KCNIP1: variants seen among roughly 807,000 people sequenced by gnomAD.
KCNIP1 encodes A-type potassium channel modulatory protein KCNIP1.
A neutral mutation model predicts 33.0 loss-of-function variants in KCNIP1; 18 were observed. The observed-to-expected ratio is 0.55, with a 90% CI of 0.38 to 0.81. KCNIP1 has a LOEUF of 0.81. Ranked by LOEUF, KCNIP1 falls within the 30% of genes least tolerant of loss-of-function variation. KCNIP1 has a pLI of 0.00. For missense variants in KCNIP1, 238 were observed against 271.6 expected (o/e 0.88, Z 0.87); for synonymous variants, 93 against 98.3 (o/e 0.95, Z 0.32).
intron 1 of KCNIP1, among the ~76,000 whole-genome samples, chr5:170,697,535 G>A (rs1762938335): frequency 6.6e-6 from 1 of 152,190 alleles, no homozygotes; most frequent in African/African-American, 2.4e-5. Context: ...AAGAGATGGT[G>A]AGTACATGAA....
intron 1 of KCNIP1, among the ~76,000 whole-genome samples, chr5:170,588,154 T>G (rs1758068372): frequency 6.6e-6 from 1 of 152,004 alleles, no homozygotes; most frequent in Non-Finnish European, 1.5e-5. Context: ...GTCAGGGAGG[T>G]ACCCAAGAAA....
intron 1 of KCNIP1, among the ~76,000 whole-genome samples, chr5:170,686,486 T>G (rs1005353460): frequency 2.0e-4 from 31 of 152,086 alleles, no homozygotes; most frequent in African/African-American, 7.2e-4. Context: ...CCTTTAGGAG[T>G]CTGCTTAGCT....
chr5:170,415,856 C>T (rs1485877998), intron 1 of KCNIP1, among the ~76,000 whole-genome samples: 2 of 152,142 alleles, frequency 1.3e-5, no homozygotes, highest in East Asian at 1.9e-4. Flanking sequence ...TGTGGAGTGA[C>T]GTCTCCATGC....
intron 1 of KCNIP1, among the ~76,000 whole-genome samples, chr5:170,562,381 T>C (rs1216053682): frequency 6.6e-6 from 1 of 152,220 alleles, no homozygotes; most frequent in Non-Finnish European, 1.5e-5. Context: ...CATGGGGTTC[T>C]GCAACCAGCA....
chr5:170,608,677 T>A (rs1285013236), intron 1 of KCNIP1, among the ~76,000 whole-genome samples: 19 of 150,618 alleles, frequency 1.3e-4, no homozygotes, highest in Admixed American at 1.3e-3. Flanking sequence ...GAGGCTGAGG[T>A]AGGAGAATCG....
chr5:170,393,944 A>T (rs1238997785), intron 1 of KCNIP1, among the ~76,000 whole-genome samples: 1 of 152,112 alleles, frequency 6.6e-6, no homozygotes, highest in African/African-American at 2.4e-5. Context: ...TGGTTTTTTT[A>T]AAAAAATGCT....
At chr5:170,624,772 G>A (rs1289921379) in intron 1 of KCNIP1, among the ~76,000 whole-genome samples, 3 of 147,308 alleles carry the variant, frequency 2.0e-5, no homozygotes, top group Non-Finnish European at 3.0e-5. Context: ...GAGGGGAGTG[G>A]GGGAGAAGGG....
intron 1 of KCNIP1, among the ~76,000 whole-genome samples, chr5:170,608,659 C>T (rs561560241): frequency 2.6e-5 from 4 of 151,894 alleles, no homozygotes; most frequent in South Asian, 2.1e-4. Context: ...GTAATCCCAG[C>T]GACTCGGGAG....
At chr5:170,609,276 A>G (rs928898270) in intron 1 of KCNIP1, among the ~76,000 whole-genome samples, 15 of 152,156 alleles carry the variant, frequency 9.9e-5, no homozygotes, top group African/African-American at 3.6e-4. Flanking sequence ...TTGCCTGATA[A>G]TAATTATAAT....
At chr5:170,449,307 G>A (rs575549903) in intron 1 of KCNIP1, among the ~76,000 whole-genome samples, 1 of 152,332 alleles carries the variant, frequency 6.6e-6, no homozygotes, top group East Asian at 1.9e-4. Context: ...GAGCTTCTAA[G>A]CTCTTTGTCC....
Position 170,735,836 on chromosome 5 carries a change from A to G in KCNIP1, c.*30A>G. ...TGACACTCAGCCATTCAGCTCTCAG[A>G]GACATTGTACTAAACAACCACCTTA... On this transcript the variant is annotated 3_prime_UTR_variant, in exon 8 of 8. Transcript: ENST00000328939. The G allele has an allele frequency of 6.2e-7, 1 of 1,603,640 alleles. No individual in the cohort carries two copies. Among genetic ancestry groups the G allele is most frequent in the Non-Finnish European group, 8.5e-7 (1 of 1,170,724 alleles).
At chr5:170,462,265 A>T (rs886476881) in intron 1 of KCNIP1, among the ~76,000 whole-genome samples, 2 of 46,220 alleles carry the variant, frequency 4.3e-5, no homozygotes, top group Non-Finnish European at 9.4e-5. Context: ...ACAAATTAGC[A>T]AAAAAAAAAA....
intron 1 of KCNIP1, among the ~76,000 whole-genome samples, chr5:170,643,487 G>C (rs1474233462): frequency 6.6e-6 from 1 of 152,228 alleles, no homozygotes; most frequent in African/African-American, 2.4e-5. Context: ...GGGCTCTGCT[G>C]CTGGGAGTTA....
chr5:170,591,172 A>G (rs1758240287), intron 1 of KCNIP1, among the ~76,000 whole-genome samples: 2 of 152,228 alleles, frequency 1.3e-5, no homozygotes, highest in Non-Finnish European at 1.5e-5. Flanking sequence ...GTACATGTGC[A>G]AATGCGAACA....
intron 1 of KCNIP1, among the ~76,000 whole-genome samples, chr5:170,475,444 C>G (rs1756835312): frequency 6.6e-6 from 1 of 152,180 alleles, no homozygotes; most frequent in Admixed American, 6.5e-5. Context: ...GGAGGAACCT[C>G]CCTGACTCCT....
At chr5:170,562,389 G>A (rs1274431437) in intron 1 of KCNIP1, among the ~76,000 whole-genome samples, 1 of 152,228 alleles carries the variant, frequency 6.6e-6, no homozygotes, top group African/African-American at 2.4e-5. Context: ...TCTGCAACCA[G>A]CACGTGAGCT....
chr5:170,382,379 C>G (rs985900280), intron 1 of KCNIP1, among the ~76,000 whole-genome samples: 12 of 152,282 alleles, frequency 7.9e-5, no homozygotes, highest in African/African-American at 2.9e-4. Context: ...CCAAAGTTGA[C>G]ATATCTTGAG....
intron 1 of KCNIP1, among the ~76,000 whole-genome samples, chr5:170,600,912 G>A (rs1232109191): frequency 6.6e-6 from 1 of 152,198 alleles, no homozygotes; most frequent in African/African-American, 2.4e-5. Context: ...CAAGCAGATG[G>A]CCAATGAATG....
At chr5:170,528,727 G>A (rs1166490051) in intron 1 of KCNIP1, among the ~76,000 whole-genome samples, 1 of 152,206 alleles carries the variant, frequency 6.6e-6, no homozygotes, top group East Asian at 1.9e-4. Context: ...GTGCCACAGG[G>A]TTAAAGATAC....
Sources: gnomAD v4.1 joint callset for allele counts (sites outside exome capture counted in the v4.1 genomes callset) on GRCh38, gnomAD v4.1.1 for gene constraint, MANE v1.5 for transcripts, NCBI Gene and HGNC (gene_info 2026-07-23, HGNC 2026-07-21) for gene names.